Variants in SGCZ observed in about 807,000 individuals in gnomAD.
SGCZ encodes the protein zeta-sarcoglycan.
In SGCZ, 40 loss-of-function variants were observed where a neutral mutation model predicts 41.3. The observed-to-expected ratio is 0.97, with a 90% CI of 0.75 to 1.26. SGCZ has a LOEUF of 1.26. Ranked by LOEUF, SGCZ falls within the 50% of genes most tolerant of loss-of-function variation. The pLI is 0.00. For missense variants in SGCZ, 552 were observed against 369.8 expected (o/e 1.49, Z -4.04); for synonymous variants, 206 against 137.5 (o/e 1.50, Z -3.49).
chr8:14,839,593 T>A, intron 1 of SGCZ, among the ~76,000 whole-genome samples: 1 of 152,258 alleles, frequency 6.6e-6, no homozygotes, highest in Middle Eastern at 3.4e-3. Flanking sequence ...AAACACTTTT[T>A]TTCCACCATC....
chr8:14,137,035 A>T lies in SGCZ; in HGVS notation c.547+27545T>A, dbSNP rs191658546. 6.4e-3 allele frequency among the ~76,000 whole-genome samples: 981 copies of T among 152,262 alleles called. 7 individuals are homozygous for T. The highest frequency in any genetic ancestry group is 0.022 in the African/African-American group (933 of 41,568). On this transcript the variant is annotated intron_variant, in intron 5 of 7. Coordinates refer to ENST00000382080, the MANE Select transcript of SGCZ (RefSeq NM_139167.4). ...ACTGGTGATACCAAGGCAAACAGGGACTGGGGTGGACCTCCACTAAACTCC... is the reference window on the plus strand; with the variant it reads ...ACTGGTGATACCAAGGCAAACAGGGTCTGGGGTGGACCTCCACTAAACTCC...
At chr8:14,360,399 C>A (rs114872897) in intron 2 of SGCZ, among the ~76,000 whole-genome samples, 1 of 151,650 alleles carries the variant, frequency 6.6e-6, no homozygotes, top group Non-Finnish European at 1.5e-5. Flanking sequence ...GATCTCAACT[C>A]GCTGTAACCT....
intron 5 of SGCZ, among the ~76,000 whole-genome samples, chr8:14,116,599 G>C (rs571945999): frequency 1.1e-4 from 16 of 152,216 alleles, no homozygotes; most frequent in Admixed American, 9.8e-4. Context: ...GAACATGTGT[G>C]TTAATGCCCA....
At chr8:14,729,632 C>A (rs559401064) in intron 1 of SGCZ, among the ~76,000 whole-genome samples, 1 of 145,622 alleles carries the variant, frequency 6.9e-6, no homozygotes, top group Non-Finnish European at 1.5e-5. Context: ...CTTACAGCAT[C>A]CAGAGCGTTA....
In SGCZ at chr8:14,762,579, A is replaced by C. The variant is rs149307982; in HGVS notation, c.40-207653T>G. Among the ~76,000 whole-genome samples the C allele has an allele frequency of 2.0e-5, 3 of 152,350 alleles. No homozygotes were observed. In the East Asian group the frequency reaches 5.8e-4, roughly 29 times the overall value. On this transcript the variant is annotated intron_variant, in intron 1 of 7. Transcript: ENST00000382080. ...CTGAGAGCTTTGTTAATTGAAAACAAATGAAATCAAATTCTATAACTAGCT... is the reference window on the plus strand; with the variant it reads ...CTGAGAGCTTTGTTAATTGAAAACACATGAAATCAAATTCTATAACTAGCT...
chr8:14,583,993 G>C (rs1241907532), intron 1 of SGCZ, among the ~76,000 whole-genome samples: 1 of 151,906 alleles, frequency 6.6e-6, no homozygotes, highest in Non-Finnish European at 1.5e-5. Context: ...GTTTTGTTTT[G>C]TTTCATTTTG....
chr8:14,894,373 G>A (rs745526337), intron 1 of SGCZ, among the ~76,000 whole-genome samples: 10 of 152,182 alleles, frequency 6.6e-5, no homozygotes, highest in Admixed American at 1.3e-4. Context: ...TTTCCACTGG[G>A]CAAAGATAAT....
chr8:14,290,028 C>G (rs950421247), intron 3 of SGCZ, among the ~76,000 whole-genome samples: 2 of 151,932 alleles, frequency 1.3e-5, no homozygotes, highest in African/African-American at 4.8e-5. Flanking sequence ...ATCACGAGAA[C>G]AGCATGGAGG....
At chr8:14,894,423 T>C (rs1033044332) in intron 1 of SGCZ, among the ~76,000 whole-genome samples, 7 of 152,192 alleles carry the variant, frequency 4.6e-5, no homozygotes, top group Admixed American at 2.0e-4. Flanking sequence ...AAGCTTGACT[T>C]TGCTTTTACA....
chr8:15,039,098 T>C (rs971825853), intron 1 of SGCZ, among the ~76,000 whole-genome samples: 4 of 152,178 alleles, frequency 2.6e-5, no homozygotes, highest in Non-Finnish European at 2.9e-5. Context: ...AAAATAGAAC[T>C]GCCATATGAT....
intron 2 of SGCZ, among the ~76,000 whole-genome samples, chr8:14,451,796 A>G (rs1168717857): frequency 6.6e-6 from 1 of 152,258 alleles, no homozygotes; most frequent in Non-Finnish European, 1.5e-5. Flanking sequence ...GTTACATCTT[A>G]TTAGAATGGC....
intron 1 of SGCZ, among the ~76,000 whole-genome samples, chr8:14,684,983 C>T (rs939571050): frequency 2.0e-5 from 3 of 152,112 alleles, no homozygotes; most frequent in Admixed American, 2.0e-4. Flanking sequence ...ACTTTGTCTA[C>T]ATATTGGCAT....
At chr8:14,962,784 G>A (rs1041440712) in intron 1 of SGCZ, among the ~76,000 whole-genome samples, 1 of 152,206 alleles carries the variant, frequency 6.6e-6, no homozygotes, top group East Asian at 1.9e-4. Flanking sequence ...ACTTGGGCAA[G>A]TGTCCCGCAT....
chr8:14,248,963 G>A (rs1015765333), intron 3 of SGCZ, among the ~76,000 whole-genome samples: 1 of 152,040 alleles, frequency 6.6e-6, no homozygotes, highest in Non-Finnish European at 1.5e-5. Flanking sequence ...TAAACAATTG[G>A]ATATAAACTC....
At chr8:14,464,706 T>C (rs1398346126) in intron 2 of SGCZ, among the ~76,000 whole-genome samples, 1 of 151,574 alleles carries the variant, frequency 6.6e-6, no homozygotes, top group African/African-American at 2.4e-5. Flanking sequence ...TTGAAACATA[T>C]TTTGTCTTTT....
At chr8:14,845,910 G>A (rs1003475835) in intron 1 of SGCZ, among the ~76,000 whole-genome samples, 64 of 152,238 alleles carry the variant, frequency 4.2e-4, no homozygotes, top group Non-Finnish European at 2.2e-4. Context: ...AATATCAGAC[G>A]AAGTGGTCCT....
At chr8:15,179,797 G>A (rs1800111829) in intron 1 of SGCZ, among the ~76,000 whole-genome samples, 1 of 152,096 alleles carries the variant, frequency 6.6e-6, no homozygotes, top group East Asian at 1.9e-4. Context: ...AAACGGGTTT[G>A]GAAGGCACGT....
At chr8:14,863,103 G>C (rs1203748900) in intron 1 of SGCZ, among the ~76,000 whole-genome samples, 1 of 152,054 alleles carries the variant, frequency 6.6e-6, no homozygotes, top group Non-Finnish European at 1.5e-5. Flanking sequence ...TAAAACATCA[G>C]AAACACTGAC....
chr8:14,623,796 A>G (rs1806361875), intron 1 of SGCZ, among the ~76,000 whole-genome samples: 2 of 152,192 alleles, frequency 1.3e-5, no homozygotes, highest in East Asian at 1.9e-4. Context: ...TAGAAAGTCA[A>G]TAATTTAGAC....
Sources: gnomAD v4.1 joint callset for allele counts (sites outside exome capture counted in the v4.1 genomes callset) on GRCh38, gnomAD v4.1.1 for gene constraint, MANE v1.5 for transcripts, NCBI Gene and HGNC (gene_info 2026-07-23, HGNC 2026-07-21) for gene names.